Variants in ZNF391 observed in about 807,000 individuals in gnomAD.
The protein encoded by ZNF391 is zinc finger protein 391.
For synonymous variants in ZNF391, 126 were observed against 142.1 expected (o/e 0.89, Z 0.80); for missense variants, 375 against 425.5 (o/e 0.88, Z 1.04).
rs1444079096 is a variant in ZNF391, at chr6:27,402,407, A to T, written c.*960A>T. On this transcript the variant is annotated 3_prime_UTR_variant, in exon 3 of 3. Coordinates refer to ENST00000244576, the MANE Select transcript of ZNF391 (RefSeq NM_001076781.3). ...ACTTTTTGCCACTGTTATGCCTTAA[A>T]TCTTGAGCTTCTTTCAGGATCCATG... The T allele has an allele frequency of 6.6e-6, 1 of 151,926 alleles. No homozygotes were observed. The highest frequency in any genetic ancestry group is 2.4e-5 in the African/African-American group (1 of 41,372). The allele number at this position is 151,926 out of a possible 1,614,324, so 9.4% of individuals were successfully genotyped here.
chr6:27,387,147 A>T (rs1179812429), upstream of ZNF391, among the ~76,000 whole-genome samples: 1 of 152,252 alleles, frequency 6.6e-6, no homozygotes, highest in Non-Finnish European at 1.5e-5. Flanking sequence ...ACAATGAGAT[A>T]AAGCTTATAC....
rs546664343 is a variant in ZNF391, at chr6:27,381,439, C to G, written n.523+6302C>G. Among the ~76,000 whole-genome samples the G allele has an allele frequency of 4.1e-4, 63 of 152,370 alleles. 1 individual carries two copies. The highest frequency in any genetic ancestry group is 1.1e-3 in the African/African-American group (47 of 41,588). On this transcript the variant is annotated intron_variant and non_coding_transcript_variant, in intron 1 of 2. Coordinates refer to the ZNF391 transcript ENST00000477999. ...GCCCCAGTTCCCGCTCGCGCTTCTC[C>G]CTCCACACCTACCCGCAAGCTGAGG...
At chr6:27,379,879 G>A (rs1267049021) in intron 1 of ZNF391, among the ~76,000 whole-genome samples, 1 of 152,166 alleles carries the variant, frequency 6.6e-6, no homozygotes, top group Non-Finnish European at 1.5e-5. Flanking sequence ...CCACATGGAA[G>A]AAAGGAAATA....
chr6:27,401,067 C>T lies in ZNF391; in HGVS notation c.697C>T (p.Arg233Cys), dbSNP rs751388118. ...TGAATGTGGGAAAGCCTTCGGTGAC[C>T]GTTCAACCATAATTCAGCATCAACG... Reference protein sequence around the residue: ...CNECGKAFGDRSTIIQHQRIH... With the variant: ...CNECGKAFGDCSTIIQHQRIH... The change falls in exon 3 of 3, where the codon CGT becomes TGT. Residue 233 changes from arginine to cysteine, a missense_variant. Physicochemically the swap from Arg to Cys is radical, Grantham distance 180. Coordinates refer to ENST00000244576, the MANE Select transcript of ZNF391 (RefSeq NM_001076781.3). 6.2e-6 allele frequency: 10 copies of T among 1,613,624 alleles called. No individual in the cohort carries two copies. Among genetic ancestry groups the T allele is most frequent in the South Asian group, 3.3e-5 (3 of 91,046 alleles).
intron 1 of ZNF391, among the ~76,000 whole-genome samples, chr6:27,382,994 C>A (rs1297322295): frequency 6.6e-6 from 1 of 151,932 alleles, no homozygotes; most frequent in African/African-American, 2.4e-5. Flanking sequence ...GTGGTGCATG[C>A]CTGTAGTCCC....
upstream of ZNF391, among the ~76,000 whole-genome samples, chr6:27,386,977 AAG>A (rs398065687): frequency 7.9e-5 from 12 of 152,272 alleles, no homozygotes; most frequent in Non-Finnish European, 1.5e-4. Context: ...ATATCTGAAG[AAG>A]AATATCTGGA....
rs9468078 is a variant in ZNF391, at chr6:27,376,181, C to A, written n.523+1044C>A. ...TGACATGCCCACCTTTGTCTTGCTACTCTCACTAAAAAAAGATAATATTGT... is the reference window on the plus strand; with the variant it reads ...TGACATGCCCACCTTTGTCTTGCTAATCTCACTAAAAAAAGATAATATTGT... On this transcript the variant is annotated intron_variant and non_coding_transcript_variant, in intron 1 of 2. Transcript: ENST00000477999. This position sits in a 1 kb window ranked among gnomAD's most constrained non-coding sequence, Gnocchi z 4.7. 0.029 allele frequency among the ~76,000 whole-genome samples: 4,377 copies of A among 152,166 alleles called. 70 individuals carry two copies. Among genetic ancestry groups the A allele is most frequent in the Non-Finnish European group, 0.032 (2,187 of 68,008 alleles).
At position 27,400,832 on chromosome 6, in the gene ZNF391, A is replaced by G. The variant is rs1761939161; in HGVS notation, c.462A>G (p.Glu154=). Residue 154 remains glutamate (E), a synonymous_variant, in exon 3 of 3, where the codon GAA becomes GAG. Coordinates refer to ENST00000244576, the MANE Select transcript of ZNF391 (RefSeq NM_001076781.3). ...KSFSRSTHLI[E]HQRTHTGEKP... Reference sequence around the variant, plus strand: ...TCAGCCGAAGTACACACCTTATTGAACATCAAAGAACTCACACTGGAGAGA... The same window carrying G: ...TCAGCCGAAGTACACACCTTATTGAGCATCAAAGAACTCACACTGGAGAGA... 3 of 1,614,240 alleles carry G rather than the reference A, an allele frequency of 1.9e-6. No individual in the cohort carries two copies. The highest frequency in any genetic ancestry group is 2.7e-5 in the African/African-American group (2 of 75,066).
At chr6:27,385,016 CAAA>C (rs1167663196), upstream of ZNF391, among the ~76,000 whole-genome samples, 2 of 104,180 alleles carry the variant, frequency 1.9e-5, no homozygotes, top group Admixed American at 1.0e-4. Flanking sequence ...GACTCCATCT[CAAA>C]AAAAAAAAAA....
chr6:27,382,161 G>A lies in ZNF391; in HGVS notation n.523+7024G>A, dbSNP rs371563452. Among the ~76,000 whole-genome samples the A allele has an allele frequency of 7.9e-5, 12 of 151,924 alleles. No individual in the cohort carries two copies. In the East Asian group the frequency reaches 9.7e-4, roughly 12 times the overall value. On this transcript the variant is annotated intron_variant and non_coding_transcript_variant, in intron 1 of 2. Coordinates refer to the ZNF391 transcript ENST00000477999. The stretch of plus-strand genomic sequence containing the variant: ...AACCTGGCCAACATGGTGAAACCCC[G>A]TCTCTGCTAAAAATACCAAAAATCA...
At chr6:27,378,683 A>T (rs1761453212) in intron 1 of ZNF391, among the ~76,000 whole-genome samples, 2 of 152,184 alleles carry the variant, frequency 1.3e-5, no homozygotes, top group South Asian at 4.1e-4. Flanking sequence ...AGGGGATGCG[A>T]TGGCTTAGCT....
upstream of ZNF391, among the ~76,000 whole-genome samples, chr6:27,385,523 A>T (rs529508463): frequency 6.6e-6 from 1 of 152,340 alleles, no homozygotes; most frequent in South Asian, 2.1e-4. Flanking sequence ...CTTCAAAGCA[A>T]GGAGAGCTAT....
chr6:27,400,605 A>G lies in ZNF391; in HGVS notation c.235A>G (p.Lys79Glu). The change falls in exon 3 of 3, where the codon AAG becomes GAG. Residue 79 changes from lysine to glutamate, a missense_variant. By Grantham distance (56) the Lys-to-Glu change is moderately conservative. Coordinates refer to ENST00000244576, the MANE Select transcript of ZNF391 (RefSeq NM_001076781.3). ...PNLDAQQKIP[K>E]GHGSPISRKN... ...CCTTGACGCACAACAGAAAATTCCA[A>G]AGGGACATGGATCCCCAATATCTAG... is the stretch of plus-strand genomic sequence containing the variant. The G allele has an allele frequency of 6.2e-7, 1 of 1,614,248 alleles. No homozygotes were observed. Among genetic ancestry groups the G allele is most frequent in the Admixed American group, 1.7e-5 (1 of 60,028 alleles).
chr6:27,376,521 GCTCT>G lies in ZNF391; in HGVS notation n.523+1387_523+1390del, dbSNP rs1249484107. Among the ~76,000 whole-genome samples, 3 of 152,110 alleles carry G rather than the reference GCTCT, an allele frequency of 2.0e-5. No homozygotes were observed. Among genetic ancestry groups the G allele is most frequent in the Non-Finnish European group, 1.5e-5 (1 of 68,014 alleles). On this transcript the variant is annotated intron_variant and non_coding_transcript_variant, in intron 1 of 2. Coordinates refer to the ZNF391 transcript ENST00000477999. This position sits in a 1 kb window ranked among gnomAD's most constrained non-coding sequence, Gnocchi z 4.7. ...TGGATTGGGACGTATGTGTGTATGT[GCTCT>G]CTAACTCCTCTGCCTGATCTTGTAT...
chr6:27,395,922 G>C (rs1259508476), intron 1 of ZNF391, among the ~76,000 whole-genome samples: 5 of 152,118 alleles, frequency 3.3e-5, no homozygotes, highest in African/African-American at 1.2e-4. Context: ...ATTCCCATTA[G>C]TTCTCATATT....
At chr6:27,387,662 T>G (rs1761606405), upstream of ZNF391, among the ~76,000 whole-genome samples, 1 of 152,220 alleles carries the variant, frequency 6.6e-6, no homozygotes, top group Non-Finnish European at 1.5e-5. Context: ...ATTATTTTAC[T>G]TATATGGCAT....
intron 1 of ZNF391, among the ~76,000 whole-genome samples, chr6:27,394,297 C>T (rs754163065): frequency 6.6e-6 from 1 of 152,226 alleles, no homozygotes; most frequent in Non-Finnish European, 1.5e-5. Flanking sequence ...TCCCACTGCC[C>T]TGCACCACTC....
chr6:27,401,172 C>A lies in ZNF391; in HGVS notation c.802C>A (p.Gln268Lys). 6.2e-7 allele frequency: 1 copy of A among 1,614,184 alleles called. No homozygotes were observed. The highest frequency in any genetic ancestry group is 1.3e-5 in the African/African-American group (1 of 75,038). ...TTGGATCTCATCGCTTACTGAACAT[C>A]AGAGAACACACACTGGGGAGAACCC... ...FSWISSLTEH[Q>K]RTHTGENPYE... Residue 268 changes from glutamine to lysine, a missense_variant, in exon 3 of 3, where the codon CAG becomes AAG. Physicochemically the swap from Gln to Lys is moderately conservative, Grantham distance 53. Coordinates refer to ENST00000244576, the MANE Select transcript of ZNF391 (RefSeq NM_001076781.3).
At chr6:27,381,917 C>T (rs540390597) in intron 1 of ZNF391, among the ~76,000 whole-genome samples, 1 of 151,246 alleles carries the variant, frequency 6.6e-6, no homozygotes, top group Non-Finnish European at 1.5e-5. Context: ...GCCTGTAATC[C>T]CAGCTACTCG....
Sources: gnomAD v4.1 joint callset for allele counts (sites outside exome capture counted in the v4.1 genomes callset) on GRCh38, gnomAD v4.1.1 for gene constraint, Gnocchi (gnomAD v3.1) non-coding constraint, MANE v1.5 for transcripts, NCBI Gene and HGNC (gene_info 2026-07-23, HGNC 2026-07-21) for gene names.